RAB31: variants seen among roughly 807,000 people sequenced by gnomAD.
RAB31 encodes the protein RAB31, member RAS oncogene family, also known as ras-related protein Rab-31.
Under a neutral mutation model 25.6 loss-of-function variants are expected in RAB31, and 21 were observed. The observed-to-expected ratio is 0.82, with a 90% CI of 0.58 to 1.18. The LOEUF (loss-of-function observed/expected upper bound fraction) is 1.18. Among genes scored for constraint, RAB31 ranks in the 50% most tolerant of loss-of-function variants. RAB31 has a pLI of 0.00. For synonymous variants in RAB31, 87 were observed against 84.0 expected (o/e 1.04, Z -0.20); for missense variants, 196 against 250.1 (o/e 0.78, Z 1.46).
chr18:9,825,262 A>G (rs183037768), intron 5 of RAB31, among the ~76,000 whole-genome samples: 2 of 152,326 alleles, frequency 1.3e-5, no homozygotes, highest in Admixed American at 6.5e-5. Flanking sequence ...CAAGTAGCAC[A>G]TGGCATGGGG....
chr18:9,811,803 T>A (rs2068572863), intron 3 of RAB31, among the ~76,000 whole-genome samples: 1 of 152,238 alleles, frequency 6.6e-6, no homozygotes, highest in African/African-American at 2.4e-5. Flanking sequence ...ATATGTGCTG[T>A]TTTGAGACTA....
intron 5 of RAB31, 90 bp from the exon 6 acceptor site, chr18:9,845,492 C>A: frequency 9.1e-7 from 1 of 1,093,300 alleles, no homozygotes; most frequent in Non-Finnish European, 1.3e-6. Flanking sequence ...GATAAAGGAG[C>A]TGTTGCCGCA....
intron 3 of RAB31, among the ~76,000 whole-genome samples, chr18:9,806,610 G>A (rs1483094135): frequency 1.3e-5 from 2 of 152,224 alleles, no homozygotes; most frequent in African/African-American, 4.8e-5. Context: ...CACCCAAGAT[G>A]CCACAGAATG....
At chr18:9,855,264 C>A (rs1038340348) in intron 6 of RAB31, among the ~76,000 whole-genome samples, 12 of 151,856 alleles carry the variant, frequency 7.9e-5, no homozygotes, top group Non-Finnish European at 1.0e-4. Context: ...AAAAAAAAGT[C>A]TTTTAAACTT....
At chr18:9,812,786 CT>C (rs1196403972) in intron 3 of RAB31, among the ~76,000 whole-genome samples, 17 of 147,866 alleles carry the variant, frequency 1.1e-4, no homozygotes, top group Admixed American at 7.5e-4. Context: ...CAACCTCTGC[CT>C]CCCGGGTTCT....
chr18:9,712,464 C>T (rs982807149), intron 1 of RAB31, among the ~76,000 whole-genome samples: 60 of 152,338 alleles, frequency 3.9e-4, no homozygotes, highest in African/African-American at 1.3e-3. Flanking sequence ...AAGTGTCATT[C>T]GTCCCACTTT....
At chr18:9,759,011 A>G (rs1291637704) in intron 1 of RAB31, among the ~76,000 whole-genome samples, 1 of 151,956 alleles carries the variant, frequency 6.6e-6, no homozygotes, top group Non-Finnish European at 1.5e-5. Context: ...CTTTGAGATC[A>G]AGCAGTGTGC....
chr18:9,851,698 A>G (rs1223461937), intron 6 of RAB31, among the ~76,000 whole-genome samples: 1 of 152,238 alleles, frequency 6.6e-6, no homozygotes, highest in Non-Finnish European at 1.5e-5. Context: ...GTTAGGAAAT[A>G]GTTTTTAAGA....
intron 1 of RAB31, among the ~76,000 whole-genome samples, chr18:9,763,653 G>A (rs2068300155): frequency 6.6e-6 from 1 of 150,590 alleles, no homozygotes; most frequent in East Asian, 1.9e-4. Flanking sequence ...GGCATAATTG[G>A]AGTTCCAGTA....
At chr18:9,754,271 A>G (rs1042963332) in intron 1 of RAB31, among the ~76,000 whole-genome samples, 1 of 152,102 alleles carries the variant, frequency 6.6e-6, no homozygotes, top group Non-Finnish European at 1.5e-5. Context: ...TGTACTGAAC[A>G]AGTACAGACT....
At chr18:9,748,137 G>T (rs2068214973) in intron 1 of RAB31, among the ~76,000 whole-genome samples, 1 of 152,138 alleles carries the variant, frequency 6.6e-6, no homozygotes, top group Non-Finnish European at 1.5e-5. Context: ...AGGTGATTAG[G>T]TGATGGTCAT....
intron 1 of RAB31, among the ~76,000 whole-genome samples, chr18:9,760,628 T>C (rs2068283364): frequency 6.6e-6 from 1 of 152,222 alleles, no homozygotes; most frequent in Non-Finnish European, 1.5e-5. Flanking sequence ...CGGGAGGTGT[T>C]CATGCTTCCC....
At chr18:9,857,983 T>G (rs2068827771) in intron 6 of RAB31, among the ~76,000 whole-genome samples, 1 of 152,240 alleles carries the variant, frequency 6.6e-6, no homozygotes, top group East Asian at 1.9e-4. Context: ...TAAGCCATGA[T>G]CAAGCCACTG....
chr18:9,813,072 A>G lies in RAB31; in HGVS notation c.202-948A>G, dbSNP rs771556332. ...CTTCTCCAAAATATACATAAAATGT[A>G]TGCATTCTGAGACTAATGACCTCTC... On this transcript the variant is annotated intron_variant, in intron 3 of 6. Coordinates refer to ENST00000578921, the MANE Select transcript of RAB31 (RefSeq NM_006868.4). Among the ~76,000 whole-genome samples the G allele has an allele frequency of 2.0e-5, 3 of 152,240 alleles. No homozygotes were observed. In the East Asian group the frequency reaches 5.8e-4, roughly 29 times the overall value.
intron 2 of RAB31, 82 bp downstream of exon 2, chr18:9,775,439 C>T: frequency 6.3e-7 from 1 of 1,578,578 alleles, no homozygotes; most frequent in South Asian, 1.1e-5. Flanking sequence ...CCTGAGCCTT[C>T]AGGCAGGGCC....
At chr18:9,856,424 CT>C (rs2068816162) in intron 6 of RAB31, 1 of 152,188 alleles carries the variant, frequency 6.6e-6, no homozygotes. Flanking sequence ...TTTCATTATA[CT>C]TTTGTCACTT....
At chr18:9,842,348 A>G (rs536252293) in intron 5 of RAB31, among the ~76,000 whole-genome samples, 4 of 152,238 alleles carry the variant, frequency 2.6e-5, no homozygotes, top group African/African-American at 7.2e-5. Context: ...AGGCCACAGG[A>G]TGGTCTAGGG....
At chr18:9,719,533 G>T (rs1445700139) in intron 1 of RAB31, among the ~76,000 whole-genome samples, 1 of 151,304 alleles carries the variant, frequency 6.6e-6, no homozygotes, top group East Asian at 1.9e-4. Flanking sequence ...CACAGCCAAA[G>T]ATAAGTCATC....
intron 1 of RAB31, among the ~76,000 whole-genome samples, chr18:9,760,573 G>A (rs1416817970): frequency 1.3e-5 from 2 of 152,206 alleles, no homozygotes; most frequent in East Asian, 1.9e-4. Context: ...CTTATGAGAA[G>A]GGTCAGTAGG....
Sources: gnomAD v4.1 joint callset for allele counts (sites outside exome capture counted in the v4.1 genomes callset) on GRCh38, gnomAD v4.1.1 for gene constraint, MANE v1.5 for transcripts, NCBI Gene and HGNC (gene_info 2026-07-23, HGNC 2026-07-21) for gene names.